Variants in MYT1 observed in about 807,000 individuals in gnomAD.
MYT1 encodes myelin transcription factor 1, also known as myelin transcription factor I.
MYT1 carries 23 observed loss-of-function variants against 123.0 expected under a neutral mutation model. The observed-to-expected ratio is 0.19, with a 90% CI of 0.13 to 0.26. MYT1 has a LOEUF of 0.26. Ranked by LOEUF, MYT1 falls within the 10% of genes least tolerant of loss-of-function variation. MYT1 has a pLI of 1.00. For missense variants in MYT1, 1,125 were observed against 1,472.5 expected (o/e 0.76, Z 3.86); for synonymous variants, 518 against 575.3 (o/e 0.90, Z 1.43).
chr20:64,199,984 C>T, intron 4 of MYT1, 62 bp downstream of exon 4: 3 of 1,586,726 alleles, frequency 1.9e-6, no homozygotes, highest in South Asian at 1.1e-5. Context: ...TGGAGATATC[C>T]TAAATGTCCC....
At chr20:64,205,344 G>A (rs1426477271) in intron 5 of MYT1, among the ~76,000 whole-genome samples, 4 of 151,860 alleles carry the variant, frequency 2.6e-5, no homozygotes, top group Non-Finnish European at 1.5e-5. Context: ...ATGGAGGTCC[G>A]TGTGGCCATG....
chr20:64,196,082 C>G lies in MYT1; in HGVS notation c.1-2780C>G, dbSNP rs1007958787. Among the ~76,000 whole-genome samples, 2 of 152,222 alleles carry G rather than the reference C, an allele frequency of 1.3e-5. No homozygotes were observed. Among genetic ancestry groups the G allele is most frequent in the African/African-American group, 4.8e-5 (2 of 41,454 alleles). Reference sequence around the variant, plus strand: ...GGGTGATGGGGTCGTTCTGCCTTTTCACTCTCAAGGGGAGAGGTCACCGGG... The same window carrying G: ...GGGTGATGGGGTCGTTCTGCCTTTTGACTCTCAAGGGGAGAGGTCACCGGG... On this transcript the variant is annotated intron_variant, in intron 2 of 22. Coordinates refer to ENST00000328439, the MANE Select transcript of MYT1 (RefSeq NM_004535.3). This position sits in a 1 kb window ranked among gnomAD's most constrained non-coding sequence, Gnocchi z 4.3.
intron 19 of MYT1, among the ~76,000 whole-genome samples, chr20:64,233,323 C>T (rs1435551434): frequency 0.014 from 6 of 430 alleles, no homozygotes; most frequent in South Asian, 0.05. Flanking sequence ...CCTCCCCTCC[C>T]CTTCCCCTCC....
intron 19 of MYT1, among the ~76,000 whole-genome samples, chr20:64,234,802 G>A (rs1200145681): frequency 4.9e-5 from 4 of 81,276 alleles, no homozygotes; most frequent in South Asian, 4.7e-4. Context: ...TGTGTGACCC[G>A]GGGCTGGCCA....
intron 6 of MYT1, among the ~76,000 whole-genome samples, chr20:64,206,154 G>A (rs1168573620): frequency 6.6e-6 from 1 of 152,184 alleles, no homozygotes; most frequent in Non-Finnish European, 1.5e-5. Flanking sequence ...AAGTGGGGAA[G>A]GGAGGATCTT....
chr20:64,187,626 G>T (rs1982852096), intron 1 of MYT1, among the ~76,000 whole-genome samples: 2 of 152,288 alleles, frequency 1.3e-5, no homozygotes, highest in Admixed American at 1.3e-4. Flanking sequence ...TTTGTCTGGG[G>T]TGGAGCCTAC....
At position 64,240,555 on chromosome 20, in the gene MYT1, C is replaced by A; in HGVS notation, c.*107C>A. 7.0e-7 allele frequency: 1 copy of A among 1,427,558 alleles called. No homozygotes were observed. The highest frequency in any genetic ancestry group is 9.2e-7 in the Non-Finnish European group (1 of 1,082,534). The allele number at this position is 1,427,558 out of a possible 1,614,324, so 88.4% of individuals were successfully genotyped here. On this transcript the variant is annotated 3_prime_UTR_variant, in exon 23 of 23. Coordinates refer to ENST00000328439, the MANE Select transcript of MYT1 (RefSeq NM_004535.3). ...TCACAGTGACTTCCCGTTTGGGGCC[C>A]GGTGTGGCCGCGGGCGGGTTTATCC...
chr20:64,211,870 T>G (rs139658307), intron 8 of MYT1, among the ~76,000 whole-genome samples, 178 bp from the exon 9 acceptor site: 1 of 151,922 alleles, frequency 6.6e-6, no homozygotes, highest in African/African-American at 2.4e-5. Context: ...TGGGGAGTTG[T>G]GTCTGCAGGC....
chr20:64,173,250 C>T (rs113457975), intron 1 of MYT1, among the ~76,000 whole-genome samples: 1 of 152,174 alleles, frequency 6.6e-6, no homozygotes, highest in Non-Finnish European at 1.5e-5. Flanking sequence ...TTTCCCTCCC[C>T]TCCTGAGCAC....
In MYT1 at chr20:64,203,231, C is replaced by T. The variant is rs138473099; in HGVS notation, c.87-1804C>T. Among the ~76,000 whole-genome samples, 29 of 152,324 alleles carry T rather than the reference C, an allele frequency of 1.9e-4. 1 individual carries two copies. Among genetic ancestry groups the T allele is most frequent in the Admixed American group, 3.3e-4 (5 of 15,304 alleles). ...TGAGGGTGACGTGTTCAGGGCAGTC[C>T]GGTCCCCACAGGCCTCCACAGCAGC... On this transcript the variant is annotated intron_variant, in intron 4 of 22. Coordinates refer to ENST00000328439, the MANE Select transcript of MYT1 (RefSeq NM_004535.3). This position sits in a 1 kb window ranked among gnomAD's most constrained non-coding sequence, Gnocchi z 5.1.
rs757167495 is a variant in MYT1, at chr20:64,186,304, G to A, written c.-98-3759G>A. On this transcript the variant is annotated intron_variant, in intron 1 of 22. Coordinates refer to ENST00000328439, the MANE Select transcript of MYT1 (RefSeq NM_004535.3). The surrounding 1 kb of genome is among the most constrained non-coding windows in gnomAD (Gnocchi z 4.3). ...CCTCTGGGTGCCGGGAGCTGATCCCGAGAGGCTTGTTTTCCAGGAGACGTG... is the reference window on the plus strand; with the variant it reads ...CCTCTGGGTGCCGGGAGCTGATCCCAAGAGGCTTGTTTTCCAGGAGACGTG... 5.3e-5 allele frequency among the ~76,000 whole-genome samples: 8 copies of A among 152,182 alleles called. No homozygotes were observed. The highest frequency in any genetic ancestry group is 8.8e-5 in the Non-Finnish European group (6 of 68,026).
Position 64,223,213 on chromosome 20 carries a change from G to A in MYT1, c.2459+40G>A, listed in dbSNP as rs139726107. 532 of 1,613,904 alleles carry A rather than the reference G, an allele frequency of 3.3e-4. 6 individuals are homozygous for A. The East Asian group carries it at 0.011, about 33-fold the overall frequency. On this transcript the variant is annotated intron_variant, in intron 15 of 22. Transcript: ENST00000328439. Reference sequence around the variant, plus strand: ...CGGGTCCGTCTGGCCTGGGTGCTTCGTGGTGGGTCTTCCTCCTCTCCTCCT... The same window carrying A: ...CGGGTCCGTCTGGCCTGGGTGCTTCATGGTGGGTCTTCCTCCTCTCCTCCT...
At chr20:64,237,244 G>C in intron 20 of MYT1, 43 bp from the exon 21 acceptor site, 3 of 1,563,208 alleles carry the variant, frequency 1.9e-6, no homozygotes, top group South Asian at 1.2e-5. Flanking sequence ...GCCCAGGCCT[G>C]CCTGAGGCCC....
intron 10 of MYT1, among the ~76,000 whole-genome samples, chr20:64,215,759 GT>G (rs5842445): frequency 0.19 from 27,207 of 139,786 alleles, 2,669 homozygotes; most frequent in African/African-American, 0.28. Flanking sequence ...TTTTTTTTGC[GT>G]TTTTTTTTTT....
intron 4 of MYT1, 147 bp from the exon 5 acceptor site, chr20:64,204,888 C>T (rs373998302): frequency 9.8e-5 from 67 of 685,316 alleles, no homozygotes; most frequent in East Asian, 8.0e-4. Flanking sequence ...TTGAATGGGG[C>T]GAGTTATTAA....
intron 1 of MYT1, among the ~76,000 whole-genome samples, chr20:64,188,364 A>G (rs1362378754): frequency 1.3e-5 from 2 of 152,126 alleles, no homozygotes; most frequent in South Asian, 2.1e-4. Flanking sequence ...TGTCTTGCAT[A>G]TATACATATG....
rs1444777225 is a variant in MYT1 at position 64,191,626 on chromosome 20, C to G, written c.-1+1466C>G. ...CTTGTGTTTTACTCTCAAAACCCAA[C>G]CTTTTTCTTTTGAATCTGGTGGCGA... On this transcript the variant is annotated intron_variant, in intron 2 of 22. Transcript: ENST00000328439. The surrounding 1 kb of genome is among the most constrained non-coding windows in gnomAD (Gnocchi z 4.1). The G allele has an allele frequency of 1.3e-5, 2 of 152,134 alleles. No homozygotes were observed. Among genetic ancestry groups the G allele is most frequent in the Non-Finnish European group, 2.9e-5 (2 of 68,038 alleles). The allele number at this position is 152,134 out of a possible 1,614,324, so 9.4% of individuals were successfully genotyped here.
chr20:64,231,118 G>T lies in MYT1; in HGVS notation c.2676-1046G>T, dbSNP rs140140260. On this transcript the variant is annotated intron_variant, in intron 18 of 22. Coordinates refer to ENST00000328439, the MANE Select transcript of MYT1 (RefSeq NM_004535.3). The surrounding 1 kb of genome is among the most constrained non-coding windows in gnomAD (Gnocchi z 6.4). The stretch of plus-strand genomic sequence containing the variant: ...TCCCTGTATGCCCATGAATCTCCTC[G>T]TAAATGGAGCCATGGTGACCTCTCG... Among the ~76,000 whole-genome samples the T allele has an allele frequency of 3.3e-5, 5 of 150,752 alleles. No individual in the cohort carries two copies. Among genetic ancestry groups the T allele is most frequent in the African/African-American group, 4.9e-5 (2 of 40,834 alleles).
At chr20:64,217,915 G>A (rs1983887554) in intron 11 of MYT1, among the ~76,000 whole-genome samples, 1 of 152,232 alleles carries the variant, frequency 6.6e-6, no homozygotes, top group African/African-American at 2.4e-5. Context: ...GTCACTTACT[G>A]CCCTAATTTG....
Sources: allele counts gnomAD v4.1 joint callset (sites outside exome capture counted in the v4.1 genomes callset), GRCh38; gene constraint gnomAD v4.1.1; non-coding constraint Gnocchi (gnomAD v3.1); transcripts MANE v1.5; gene names NCBI Gene and HGNC (gene_info 2026-07-23, HGNC 2026-07-21).